Variants in NHSL2 observed in about 807,000 individuals in gnomAD.
The protein encoded by NHSL2 is NHS-like protein 2.
NHSL2 carries 27 observed loss-of-function variants against 53.4 expected under a neutral mutation model. The observed-to-expected ratio is 0.51, with a 90% confidence interval of 0.37 to 0.70. The LOEUF is 0.70. Ranked by LOEUF, NHSL2 falls within the 30% of genes least tolerant of loss-of-function variation. The probability of loss-of-function intolerance (pLI) is 0.00; values close to 1 mark genes in which losing one functional copy is unlikely to be tolerated. For missense variants in NHSL2, 892 were observed against 980.1 expected, an observed-to-expected ratio of 0.91 and a Z score of 1.20; for synonymous variants, 408 against 404.1, an observed-to-expected ratio of 1.01 and a Z score of -0.12.
intron 1 of NHSL2, among the ~76,000 whole-genome samples, chrX:72,047,366 T>A (rs1346450092): frequency 1.8e-5 from 2 of 112,417 alleles, no homozygotes; most frequent in Non-Finnish European, 3.8e-5. Context: ...AGTAAACTGT[T>A]CCACGGAGGC....
At chrX:71,978,114 T>G (rs750689539) in intron 1 of NHSL2, among the ~76,000 whole-genome samples, 1 of 112,679 alleles carries the variant, frequency 8.9e-6, no homozygotes, top group East Asian at 2.8e-4. Context: ...AATTAATTCA[T>G]CTAAAGTGCT....
At chrX:72,034,401 A>G (rs746826899) in intron 1 of NHSL2, among the ~76,000 whole-genome samples, 2 of 111,570 alleles carry the variant, frequency 1.8e-5, no homozygotes, top group East Asian at 5.6e-4. Flanking sequence ...TTATTTGTAT[A>G]CCGTTTTTGT....
At chrX:72,084,341 G>C (rs974907226) in intron 1 of NHSL2, among the ~76,000 whole-genome samples, 9 of 112,445 alleles carry the variant, frequency 8.0e-5, no homozygotes, top group African/African-American at 2.9e-4. Flanking sequence ...CACAAACCCA[G>C]CCTGGGGTCT....
At chrX:71,976,927 C>T (rs906669907) in intron 1 of NHSL2, among the ~76,000 whole-genome samples, 2 of 112,391 alleles carry the variant, frequency 1.8e-5, no homozygotes, top group African/African-American at 6.5e-5. Context: ...GAGAATGATA[C>T]GGGGTGGGTT....
At chrX:72,105,858 G>C (rs1004808903) in intron 1 of NHSL2, among the ~76,000 whole-genome samples, 1 of 112,373 alleles carries the variant, frequency 8.9e-6, no homozygotes, top group Non-Finnish European at 1.9e-5. Context: ...AATAGCAACT[G>C]AACTGACTAC....
chrX:71,948,954 C>T (rs72630024), intron 1 of NHSL2, among the ~76,000 whole-genome samples: 2 of 101,568 alleles, frequency 2.0e-5, no homozygotes, highest in Non-Finnish European at 4.0e-5. Flanking sequence ...GATGGGGTTT[C>T]GCCATGTTGC....
At chrX:71,986,760 GC>G (rs1212613876) in intron 1 of NHSL2, among the ~76,000 whole-genome samples, 1 of 111,041 alleles carries the variant, frequency 9.0e-6, no homozygotes, top group Non-Finnish European at 1.9e-5. Context: ...GGACACGTGG[GC>G]CCAAATTCTG....
chrX:72,055,018 TC>T (rs749289069), intron 1 of NHSL2, among the ~76,000 whole-genome samples: 5 of 111,420 alleles, frequency 4.5e-5, no homozygotes, highest in Admixed American at 9.5e-5. Flanking sequence ...TTGTCCCGTC[TC>T]CCGCTTCCTA....
chrX:71,962,167 C>G (rs2041870426), intron 1 of NHSL2, among the ~76,000 whole-genome samples: 1 of 111,759 alleles, frequency 8.9e-6, no homozygotes, highest in African/African-American at 3.3e-5. Context: ...GGGATAAATC[C>G]TAATTGGCCA....
intron 1 of NHSL2, among the ~76,000 whole-genome samples, chrX:72,042,361 G>T (rs2042279223): frequency 8.9e-6 from 1 of 112,351 alleles, no homozygotes; most frequent in Non-Finnish European, 1.9e-5. Context: ...CCGGCAGCCC[G>T]GTGTGCTACC....
intron 1 of NHSL2, among the ~76,000 whole-genome samples, chrX:72,118,032 T>C (rs6624594): frequency 0.57 from 61,718 of 108,999 alleles, 15,812 homozygotes; most frequent in Non-Finnish European, 0.78. Context: ...GTTTAACATT[T>C]TGAGGAACTG....
intron 1 of NHSL2, among the ~76,000 whole-genome samples, chrX:72,097,130 C>A (rs2041949959): frequency 8.9e-6 from 1 of 112,128 alleles, no homozygotes; most frequent in African/African-American, 3.2e-5. Flanking sequence ...TCTTCTGGGA[C>A]CAACATATGT....
intron 1 of NHSL2, among the ~76,000 whole-genome samples, chrX:72,114,271 C>A (rs760389271): frequency 8.9e-6 from 1 of 112,451 alleles, no homozygotes; most frequent in African/African-American, 3.2e-5. Context: ...AACAGAAAAG[C>A]ATGACAATTT....
At chrX:72,001,045 C>T (rs745317280) in intron 1 of NHSL2, among the ~76,000 whole-genome samples, 1 of 111,954 alleles carries the variant, frequency 8.9e-6, no homozygotes, top group Admixed American at 9.5e-5. Flanking sequence ...TTCTTCCTGA[C>T]ACCTGCATTG....
At chrX:71,970,973 C>T (rs997523889) in intron 1 of NHSL2, among the ~76,000 whole-genome samples, 1 of 110,662 alleles carries the variant, frequency 9.0e-6, no homozygotes, top group Non-Finnish European at 1.9e-5. Context: ...TGTAGAGCCA[C>T]GGTCTTGCTA....
intron 1 of NHSL2, among the ~76,000 whole-genome samples, chrX:72,085,180 C>G (rs2041826906): frequency 8.9e-6 from 1 of 111,769 alleles, no homozygotes; most frequent in Non-Finnish European, 1.9e-5. Context: ...TCAGACCCCC[C>G]TGGCTGGGAT....
intron 1 of NHSL2, among the ~76,000 whole-genome samples, chrX:72,055,310 G>A: frequency 8.9e-6 from 1 of 112,351 alleles, no homozygotes; most frequent in Middle Eastern, 4.6e-3. Context: ...CACTGGCACG[G>A]TTGCCATGGG....
intron 1 of NHSL2, among the ~76,000 whole-genome samples, chrX:71,948,955 G>T (rs1003650402): frequency 9.5e-6 from 1 of 105,551 alleles, no homozygotes; most frequent in Non-Finnish European, 1.9e-5. Flanking sequence ...ATGGGGTTTC[G>T]CCATGTTGCC....
chrX:71,931,610 G>A (rs1337285669), intron 1 of NHSL2, among the ~76,000 whole-genome samples: 1 of 112,269 alleles, frequency 8.9e-6, no homozygotes, highest in African/African-American at 3.2e-5. Context: ...AGCGCCTTTT[G>A]TTAAAGAGAC....
Sources: allele counts gnomAD v4.1 joint callset (sites outside exome capture counted in the v4.1 genomes callset), GRCh38; gene constraint gnomAD v4.1.1; transcripts MANE v1.5; gene names NCBI Gene and HGNC (gene_info 2026-07-23, HGNC 2026-07-21).